NUP37: variants seen among roughly 807,000 people sequenced by gnomAD.
NUP37 encodes the protein nucleoporin 37.
Under a neutral mutation model 45.4 loss-of-function variants are expected in NUP37, and 33 were observed. The observed-to-expected ratio is 0.73, with a 90% CI of 0.55 to 0.97. NUP37 has a LOEUF of 0.97. Ranked by LOEUF, NUP37 falls within the 50% of genes least tolerant of loss-of-function variation. The pLI is 0.00. For missense variants in NUP37, 365 were observed against 389.7 expected (o/e 0.94, Z 0.53); for synonymous variants, 127 against 130.7 (o/e 0.97, Z 0.19).
At chr12:102,109,625 G>A (rs866616989) in intron 3 of NUP37, among the ~76,000 whole-genome samples, 5 of 152,058 alleles carry the variant, frequency 3.3e-5, no homozygotes, top group Admixed American at 6.6e-5. Context: ...TAAAATTAAT[G>A]GCCTGCTAAT....
At chr12:102,102,483 T>C (rs1880000952) in intron 3 of NUP37, among the ~76,000 whole-genome samples, 1 of 152,254 alleles carries the variant, frequency 6.6e-6, no homozygotes, top group African/African-American at 2.4e-5. Context: ...GTAATTTGAG[T>C]TCCCTACATA....
intron 5 of NUP37, among the ~76,000 whole-genome samples, chr12:102,091,062 T>C (rs1160396174): frequency 6.6e-6 from 1 of 152,136 alleles, no homozygotes; most frequent in Non-Finnish European, 1.5e-5. Flanking sequence ...GAAGCACACT[T>C]TTCAGGACAG....
At chr12:102,088,685 GTTT>G (rs1447661336) in intron 5 of NUP37, among the ~76,000 whole-genome samples, 2 of 124,092 alleles carry the variant, frequency 1.6e-5, no homozygotes, top group Non-Finnish European at 3.6e-5. Context: ...GTTGTAATTT[GTTT>G]TTGTTTTTGT....
At chr12:102,104,350 T>C (rs1026217234) in intron 3 of NUP37, among the ~76,000 whole-genome samples, 6 of 152,178 alleles carry the variant, frequency 3.9e-5, no homozygotes, top group African/African-American at 1.4e-4. Context: ...TAGAAGTTTT[T>C]TGTATACATT....
At position 102,079,568 on chromosome 12, in the gene NUP37, T is replaced by C. The variant is rs945733073; in HGVS notation, c.541-2065A>G. Among the ~76,000 whole-genome samples, 6 of 152,340 alleles carry C rather than the reference T, an allele frequency of 3.9e-5. No homozygotes were observed. In the East Asian group the frequency reaches 7.7e-4, roughly 20 times the overall value. ...TTTTAAAGATATCTTACTTAATATA[T>C]ACTGATTCATTAATATAGACCTCAC... On this transcript the variant is annotated intron_variant, in intron 6 of 9. Transcript: ENST00000552283.
intron 9 of NUP37, 104 bp from the exon 10 acceptor site, chr12:102,074,571 G>A (rs1347264308): frequency 1.4e-6 from 1 of 696,404 alleles, no homozygotes; most frequent in Non-Finnish European, 2.4e-6. Flanking sequence ...TATCTTTGTA[G>A]CATAAACAAA....
chr12:102,112,814 A>G (rs1343538518), intron 2 of NUP37, among the ~76,000 whole-genome samples: 9 of 152,226 alleles, frequency 5.9e-5, no homozygotes, highest in Admixed American at 5.9e-4. Context: ...ATCAGTGTCA[A>G]TGATTTTCAT....
intron 8 of NUP37, 24 bp from the exon 9 acceptor site, chr12:102,075,118 T>C: frequency 2.8e-6 from 4 of 1,440,218 alleles, no homozygotes; most frequent in African/African-American, 1.4e-5. Flanking sequence ...AAGCGTAAAA[T>C]TAAGTATCGT....
chr12:102,077,189 TG>T, intron 7 of NUP37, 132 bp downstream of exon 7: 3 of 883,002 alleles, frequency 3.4e-6, no homozygotes, highest in Non-Finnish European at 5.5e-6. Context: ...TCCATAGCTC[TG>T]GCCTTCTATA....
chr12:102,083,412 G>A (rs1028953618), intron 6 of NUP37, among the ~76,000 whole-genome samples: 1 of 152,114 alleles, frequency 6.6e-6, no homozygotes, highest in African/African-American at 2.4e-5. Flanking sequence ...AGACTCAATG[G>A]GCCTGGAACA....
At chr12:102,093,078 G>C (rs1360160271) in intron 5 of NUP37, among the ~76,000 whole-genome samples, 5 of 151,966 alleles carry the variant, frequency 3.3e-5, no homozygotes, top group South Asian at 2.1e-4. Context: ...TGAGATAATT[G>C]TACAGGCTTA....
chr12:102,095,142 T>C (rs1036233251), intron 5 of NUP37, among the ~76,000 whole-genome samples: 2 of 152,114 alleles, frequency 1.3e-5, no homozygotes, highest in Non-Finnish European at 2.9e-5. Flanking sequence ...ACATCTGTTA[T>C]TTGGCAATGA....
In NUP37 at chr12:102,118,522, G is replaced by T. The variant is rs377512601; in HGVS notation, c.-4C>A. On this transcript the variant is annotated 5_prime_UTR_variant, in exon 2 of 10. Transcript: ENST00000552283. ...TTCTTGAGGCATCTTGCTTCATCTTGTATGTCAAAATTCAAGCAGTTGTGA... is the reference window on the plus strand; with the variant it reads ...TTCTTGAGGCATCTTGCTTCATCTTTTATGTCAAAATTCAAGCAGTTGTGA... The T allele has an allele frequency of 2.4e-5, 38 of 1,604,786 alleles. No individual in the cohort carries two copies. The highest frequency in any genetic ancestry group is 3.1e-5 in the Non-Finnish European group (36 of 1,177,342).
At chr12:102,075,446 T>C (rs1330019663) in intron 8 of NUP37, among the ~76,000 whole-genome samples, 1 of 152,154 alleles carries the variant, frequency 6.6e-6, no homozygotes, top group Non-Finnish European at 1.5e-5. Context: ...TCTCCTGAAG[T>C]GCTGGGATTA....
chr12:102,114,698 T>C (rs1043593774), intron 2 of NUP37, among the ~76,000 whole-genome samples: 1 of 152,254 alleles, frequency 6.6e-6, no homozygotes, highest in Admixed American at 6.5e-5. Context: ...GTCAAGACTG[T>C]GAAGTTTCTC....
At chr12:102,119,362 A>G (rs1486741281) in intron 1 of NUP37, 1 of 151,814 alleles carries the variant, frequency 6.6e-6, no homozygotes. Context: ...CACACGTTTT[A>G]CCTTTGTAAT....
At chr12:102,079,236 T>C (rs1478929541) in intron 6 of NUP37, 2 of 455,866 alleles carry the variant, frequency 4.4e-6, no homozygotes, top group African/African-American at 4.0e-5. Context: ...GGAGGATAAT[T>C]ATATCAGATT....
chr12:102,079,466 G>C (rs1228695652), intron 6 of NUP37, among the ~76,000 whole-genome samples: 2 of 152,040 alleles, frequency 1.3e-5, no homozygotes, highest in African/African-American at 4.8e-5. Context: ...CTGAACCACT[G>C]GGGAAATACA....
At chr12:102,108,648 C>A (rs7314789) in intron 3 of NUP37, among the ~76,000 whole-genome samples, 2 of 152,140 alleles carry the variant, frequency 1.3e-5, no homozygotes, top group African/African-American at 2.4e-5. Context: ...TTTATACATG[C>A]AAATAAAGGG....
Sources: gnomAD v4.1 joint callset for allele counts (sites outside exome capture counted in the v4.1 genomes callset) on GRCh38, gnomAD v4.1.1 for gene constraint, MANE v1.5 for transcripts, NCBI Gene and HGNC (gene_info 2026-07-23, HGNC 2026-07-21) for gene names.